GAREM1: variants seen among roughly 807,000 people sequenced by gnomAD.
GAREM1 encodes GRB2 associated regulator of MAPK1 subtype 1, also known as GRB2-associated and regulator of MAPK protein 1.
GAREM1 carries 26 observed loss-of-function variants against 71.3 expected under a neutral mutation model. That is an observed-to-expected ratio of 0.36 (90% CI 0.27 to 0.51). The LOEUF (loss-of-function observed/expected upper bound fraction) is 0.51. GAREM1 is among the 20% of genes least tolerant of loss of function. The pLI, the probability that GAREM1 is intolerant of heterozygous loss-of-function variation, is 0.95. For synonymous variants in GAREM1, 440 were observed against 433.2 expected, an observed-to-expected ratio of 1.02 and a Z score of -0.20; for missense variants, 1,026 against 1,103.1, an observed-to-expected ratio of 0.93 and a Z score of 0.99.
At chr18:32,442,892 T>C (rs2048752867) in intron 1 of GAREM1, among the ~76,000 whole-genome samples, 1 of 152,142 alleles carries the variant, frequency 6.6e-6, no homozygotes. Flanking sequence ...TTTGCTACTG[T>C]AAAAGGGAAC....
intron 1 of GAREM1, among the ~76,000 whole-genome samples, chr18:32,454,356 T>C (rs966423273): frequency 6.6e-6 from 1 of 151,854 alleles, no homozygotes; most frequent in Non-Finnish European, 1.5e-5. Context: ...TGTCATGCCA[T>C]TAACTATAAG....
In GAREM1 at chr18:32,393,017, A is replaced by T; in HGVS notation, c.140T>A (p.Leu47Gln). The change falls in exon 2 of 6, where the codon CTG becomes CAG. Residue 47 changes from leucine to glutamine, a missense_variant. Transcript: ENST00000269209. ...AATCAGCAGATAGTCATTTTCCCGC[A>T]GCCCTTCTACGCACTCTCCTAGGAA... ...RLDNGECVEG[L>Q]RENDYLLIHS... The T allele has an allele frequency of 6.2e-7, 1 of 1,613,756 alleles. No homozygotes were observed. Among genetic ancestry groups the T allele is most frequent in the Non-Finnish European group, 8.5e-7 (1 of 1,179,820 alleles).
intron 4 of GAREM1, among the ~76,000 whole-genome samples, chr18:32,277,093 A>G (rs995637591): frequency 5.9e-5 from 9 of 152,160 alleles, no homozygotes; most frequent in African/African-American, 1.4e-4. Context: ...TTAGCAAATG[A>G]GGCGTGAGTC....
chr18:32,285,777 G>A (rs1005918604), intron 4 of GAREM1, among the ~76,000 whole-genome samples: 12 of 152,166 alleles, frequency 7.9e-5, no homozygotes, highest in African/African-American at 2.4e-4. Flanking sequence ...TGAGACGTAC[G>A]AGGGGATAGA....
chr18:32,344,756 T>C lies in GAREM1; in HGVS notation c.263-34433A>G, dbSNP rs537558111. ...AGTGTCAGGTCAGAAAGCTGATGAATAGTCTCCAATAAAACAGTCTGTAGG... is the reference window on the plus strand; with the variant it reads ...AGTGTCAGGTCAGAAAGCTGATGAACAGTCTCCAATAAAACAGTCTGTAGG... On this transcript the variant is annotated intron_variant, in intron 2 of 5. Coordinates refer to ENST00000269209, the MANE Select transcript of GAREM1 (RefSeq NM_001242409.2). Among the ~76,000 whole-genome samples the C allele has an allele frequency of 1.3e-3, 192 of 152,294 alleles. 4 individuals carry two copies. Among genetic ancestry groups the C allele is most frequent in the African/African-American group, 4.5e-3 (186 of 41,564 alleles).
intron 4 of GAREM1, among the ~76,000 whole-genome samples, chr18:32,271,354 G>A (rs530927561): frequency 9.2e-5 from 14 of 152,046 alleles, no homozygotes; most frequent in African/African-American, 3.1e-4. Context: ...CATCATGCCC[G>A]GCTAATTTTT....
chr18:32,285,201 G>C (rs984570822), intron 4 of GAREM1, among the ~76,000 whole-genome samples: 1 of 152,180 alleles, frequency 6.6e-6, no homozygotes, highest in African/African-American at 2.4e-5. Context: ...GTGCCTGATG[G>C]TCCCCAGAGG....
intron 2 of GAREM1, among the ~76,000 whole-genome samples, chr18:32,353,219 A>G (rs2047769641): frequency 6.6e-6 from 1 of 152,254 alleles, no homozygotes. Context: ...AGACGATAAC[A>G]AAGTCAGAAA....
chr18:32,324,732 G>C (rs1050982143), intron 2 of GAREM1, among the ~76,000 whole-genome samples: 3 of 152,184 alleles, frequency 2.0e-5, no homozygotes, highest in Non-Finnish European at 4.4e-5. Context: ...GTCAAGGTTA[G>C]AGACACATTT....
At chr18:32,408,655 C>G (rs1276204652) in intron 1 of GAREM1, among the ~76,000 whole-genome samples, 1 of 152,036 alleles carries the variant, frequency 6.6e-6, no homozygotes, top group Non-Finnish European at 1.5e-5. Flanking sequence ...ACCCAGTAAC[C>G]AACTCTCAAT....
intron 4 of GAREM1, among the ~76,000 whole-genome samples, chr18:32,282,423 T>TA (rs895264447): frequency 4.0e-5 from 6 of 148,232 alleles, no homozygotes; most frequent in Admixed American, 6.7e-5. Context: ...AGACTCCGTC[T>TA]AAAAAAAAAA....
At chr18:32,445,488 T>C (rs2048777812) in intron 1 of GAREM1, among the ~76,000 whole-genome samples, 1 of 152,022 alleles carries the variant, frequency 6.6e-6, no homozygotes, top group Non-Finnish European at 1.5e-5. Context: ...TAGAACCCCA[T>C]TCACATTGTT....
intron 1 of GAREM1, among the ~76,000 whole-genome samples, chr18:32,411,895 T>C (rs2048422029): frequency 1.3e-5 from 2 of 151,944 alleles, no homozygotes; most frequent in African/African-American, 4.8e-5. Context: ...AAGACATTTA[T>C]TCAGCGTCAC....
intron 2 of GAREM1, among the ~76,000 whole-genome samples, chr18:32,376,290 A>AAAC (rs1478680485): frequency 2.0e-5 from 3 of 152,228 alleles, no homozygotes; most frequent in African/African-American, 7.2e-5. Flanking sequence ...TTTACAGGGT[A>AAAC]AACAAGAATG....
intron 1 of GAREM1, among the ~76,000 whole-genome samples, chr18:32,407,432 T>A (rs1302613562): frequency 6.6e-6 from 1 of 152,148 alleles, no homozygotes; most frequent in African/African-American, 2.4e-5. Flanking sequence ...AAACTCTGTC[T>A]CAAAAACAAA....
intron 2 of GAREM1, among the ~76,000 whole-genome samples, chr18:32,346,798 C>T (rs980638381): frequency 2.0e-5 from 3 of 152,126 alleles, no homozygotes; most frequent in East Asian, 1.9e-4. Context: ...ACAAACCTAA[C>T]GTTGAAAGAA....
chr18:32,435,713 G>T (rs2048669875), intron 1 of GAREM1, among the ~76,000 whole-genome samples: 1 of 152,186 alleles, frequency 6.6e-6, no homozygotes, highest in African/African-American at 2.4e-5. Context: ...GGAAGATGTT[G>T]CTGTAGAGGT....
At chr18:32,335,943 C>T (rs910276622) in intron 2 of GAREM1, among the ~76,000 whole-genome samples, 3 of 152,198 alleles carry the variant, frequency 2.0e-5, no homozygotes, top group Non-Finnish European at 4.4e-5. Flanking sequence ...ATGGGAGCAA[C>T]GGAGTGCACT....
chr18:32,366,982 C>T (rs1287957037), intron 2 of GAREM1, among the ~76,000 whole-genome samples: 4 of 152,160 alleles, frequency 2.6e-5, no homozygotes, highest in East Asian at 1.9e-4. Flanking sequence ...ATAATCTCTC[C>T]TAAGCTCTTT....
Sources: gnomAD v4.1 joint callset for allele counts (sites outside exome capture counted in the v4.1 genomes callset) on GRCh38, gnomAD v4.1.1 for gene constraint, MANE v1.5 for transcripts, NCBI Gene and HGNC (gene_info 2026-07-23, HGNC 2026-07-21) for gene names.